The following RELB variants were observed in gnomAD, a reference collection of about 807,000 sequenced individuals.
The protein encoded by RELB is transcription factor RelB.
Under a neutral mutation model 55.4 loss-of-function variants are expected in RELB, and 14 were observed. That is an observed-to-expected ratio of 0.25 (90% CI 0.17 to 0.40). The LOEUF (loss-of-function observed/expected upper bound fraction) is 0.40, where lower values mean the gene tolerates loss of function less well. Ranked by LOEUF, RELB falls within the 10% of genes least tolerant of loss-of-function variation. RELB has a pLI of 1.00. For missense variants in RELB, 669 were observed against 830.7 expected, an observed-to-expected ratio of 0.81 and a Z score of 2.39; for synonymous variants, 409 against 371.3, an observed-to-expected ratio of 1.10 and a Z score of -1.17.
chr19:45,014,520 T>G (rs1971399257), intron 4 of RELB, among the ~76,000 whole-genome samples: 1 of 83,920 alleles, frequency 1.2e-5, no homozygotes, highest in African/African-American at 4.9e-5. Flanking sequence ...TTTTTTTTTG[T>G]TTTTTGGTTT....
Position 45,024,223 on chromosome 19 carries a change from G to A in RELB, c.663-1106G>A, listed in dbSNP as rs545476512. On this transcript the variant is annotated intron_variant, in intron 5 of 11. Transcript: ENST00000221452. Reference sequence around the variant, plus strand: ...GTCGCCCAGGCTGGAGTGCAGTGGCGCGATCTCGGCTCACTGCAAACTCCG... The same window carrying A: ...GTCGCCCAGGCTGGAGTGCAGTGGCACGATCTCGGCTCACTGCAAACTCCG... Among the ~76,000 whole-genome samples, 229 of 150,726 alleles carry A rather than the reference G, an allele frequency of 1.5e-3. 2 individuals carry two copies. Among genetic ancestry groups the A allele is most frequent in the African/African-American group, 5.4e-3 (222 of 40,964 alleles).
At position 45,011,854 on chromosome 19, in the gene RELB, T is replaced by C. The variant is rs1238026279; in HGVS notation, c.164-82T>C. The C allele has an allele frequency of 3.9e-6, 3 of 766,820 alleles. No homozygotes were observed. The Admixed American group carries it at 1.4e-4, about 36-fold the overall frequency. 47.5% of individuals were successfully genotyped at this position (766,820 alleles called of 1,614,324 possible). A position where few individuals can be genotyped will look rare whatever the true frequency, so the allele number is the denominator to read the frequency against. On this transcript the variant is annotated intron_variant, in intron 3 of 11. Coordinates refer to ENST00000221452, the MANE Select transcript of RELB (RefSeq NM_006509.4). ...AGAGAGATAAATGGGATGGAAAACGTCTCGGGGGTAATCAAGCCTTTTTTT... is the reference window on the plus strand; with the variant it reads ...AGAGAGATAAATGGGATGGAAAACGCCTCGGGGGTAATCAAGCCTTTTTTT...
chr19:45,020,577 A>AGACG (rs1971472150), intron 4 of RELB, among the ~76,000 whole-genome samples: 1 of 24,696 alleles, frequency 4.0e-5, no homozygotes, highest in Non-Finnish European at 7.5e-5. Flanking sequence ...TTTTTTTTTG[A>AGACG]GACGGAGTCT....
chr19:45,022,894 A>G (rs1179381649), intron 5 of RELB, among the ~76,000 whole-genome samples: 2 of 152,110 alleles, frequency 1.3e-5, no homozygotes, highest in Non-Finnish European at 2.9e-5. Context: ...TTTATTTTGC[A>G]TATGTCCACA....
intron 8 of RELB, among the ~76,000 whole-genome samples, chr19:45,030,784 G>A (rs541549500): frequency 3.3e-5 from 5 of 152,296 alleles, no homozygotes; most frequent in Non-Finnish European, 5.9e-5. Context: ...GCAATAGAGC[G>A]AGACTCTGTC....
intron 7 of RELB, among the ~76,000 whole-genome samples, chr19:45,026,924 A>G (rs1600078763): frequency 6.6e-6 from 1 of 152,198 alleles, no homozygotes; most frequent in East Asian, 1.9e-4. Context: ...GCATTTATGG[A>G]TGCAAGTGAT....
chr19:45,001,707 G>A, intron 1 of RELB, 22 bp downstream of exon 1: 4 of 1,467,428 alleles, frequency 2.7e-6, no homozygotes, highest in Non-Finnish European at 2.7e-6. Context: ...TGGGGTTCAG[G>A]AGAGGGGTCT....
intron 8 of RELB, among the ~76,000 whole-genome samples, chr19:45,030,238 TGAGG>T (rs1277032754): frequency 3.3e-5 from 5 of 152,122 alleles, no homozygotes; most frequent in African/African-American, 1.2e-4. Context: ...TTTGGGAGGC[TGAGG>T]TGGGAGGATC....
At chr19:45,003,906 G>GTTTTTTTTTTTTTTTTT (rs1568395564) in intron 2 of RELB, among the ~76,000 whole-genome samples, 4 of 62,538 alleles carry the variant, frequency 6.4e-5, no homozygotes, top group Admixed American at 2.0e-4. Context: ...TTTTTTGTCT[G>GTTTTTTTTTTTTTTTTT]TTTTTTGTGT....
chr19:45,025,614 C>T lies in RELB; in HGVS notation c.763C>T (p.Leu255=), dbSNP rs778596768. ...CATATCTCCCCCGACAGCTGGGTCC[C>T]TGAAGAACCATCAGGAAGTAGACAT... is the stretch of plus-strand genomic sequence containing the variant. The part of the protein sequence containing the change: ...LGIDPYNAGS[L]KNHQEVDMNV... Residue 255 remains leucine, a synonymous_variant, in exon 7 of 12, where the codon CTG becomes TTG. Transcript: ENST00000221452. The T allele has an allele frequency of 1.9e-6, 3 of 1,613,856 alleles. No homozygotes were observed. The highest frequency in any genetic ancestry group is 2.5e-6 in the Non-Finnish European group (3 of 1,179,902).
In RELB at chr19:45,002,635, G is replaced by C. The variant is rs1388193499; in HGVS notation, c.107-314G>C. The stretch of plus-strand genomic sequence containing the variant: ...CTCAAAGTGCTGGGATTACAGGTGT[G>C]AGCCCTTGTGCCCAGCGGGATGGGG... On this transcript the variant is annotated intron_variant, in intron 1 of 11. Coordinates refer to ENST00000221452, the MANE Select transcript of RELB (RefSeq NM_006509.4). 2.0e-5 allele frequency among the ~76,000 whole-genome samples: 3 copies of C among 152,316 alleles called. No homozygotes were observed. The East Asian group carries it at 5.8e-4, about 29-fold the overall frequency.
chr19:45,018,670 ATTTAT>A (rs1255304406), intron 4 of RELB, among the ~76,000 whole-genome samples: 2 of 148,200 alleles, frequency 1.3e-5, no homozygotes, highest in Non-Finnish European at 3.0e-5. Context: ...CCTGTTATTT[ATTTAT>A]TTTTTTTTAA....
rs552218849 is a variant in RELB at position 45,008,167 on chromosome 19, C to G, written c.155-1647C>G. Among the ~76,000 whole-genome samples the G allele has an allele frequency of 2.1e-4, 32 of 151,362 alleles. No homozygotes were observed. In the East Asian group the frequency reaches 5.6e-3, roughly 26 times the overall value. On this transcript the variant is annotated intron_variant, in intron 2 of 11. Transcript: ENST00000221452. ...CCTGGGTGACAGAGCAAGACTCCGTCTCAAAAAAATAAAAATAAATAAAAT... is the reference window on the plus strand; with the variant it reads ...CCTGGGTGACAGAGCAAGACTCCGTGTCAAAAAAATAAAAATAAATAAAAT...
chr19:45,006,460 T>A (rs1971283400), intron 2 of RELB, among the ~76,000 whole-genome samples: 1 of 151,750 alleles, frequency 6.6e-6, no homozygotes, highest in Admixed American at 6.6e-5. Context: ...CACCTCGGCC[T>A]CTCAAAGTGC....
intron 5 of RELB, among the ~76,000 whole-genome samples, chr19:45,023,740 CTTTTTTTTTTTTTTTTTT>C (rs1168078618): frequency 2.6e-5 from 1 of 38,362 alleles, no homozygotes; most frequent in Non-Finnish European, 4.6e-5. Context: ...TGCCCAGCCT[CTTTTTTTTTTTTTTTTTT>C]TTTTTTTTTT....
At chr19:45,018,527 A>C (rs972994752) in intron 4 of RELB, among the ~76,000 whole-genome samples, 1 of 151,790 alleles carries the variant, frequency 6.6e-6, no homozygotes, top group African/African-American at 2.4e-5. Context: ...GGTTGCAGTG[A>C]GCTGAGATCA....
chr19:45,009,937 C>T (rs1971328673), intron 3 of RELB, 115 bp downstream of exon 3: 2 of 1,055,526 alleles, frequency 1.9e-6, no homozygotes. Context: ...TGTGTGACTT[C>T]CAGGACTGTG....
chr19:45,028,112 T>C (rs1055994404), intron 7 of RELB, among the ~76,000 whole-genome samples: 3 of 152,132 alleles, frequency 2.0e-5, no homozygotes, highest in Non-Finnish European at 2.9e-5. Context: ...CCAGAACTCC[T>C]GGGCTCAAAC....
chr19:45,027,410 G>C (rs1971572021), intron 7 of RELB, among the ~76,000 whole-genome samples: 1 of 152,060 alleles, frequency 6.6e-6, no homozygotes, highest in Admixed American at 6.6e-5. Flanking sequence ...TCTCTCAGCT[G>C]TTCTTCCTCC....
Sources: gnomAD v4.1 joint callset for allele counts (sites outside exome capture counted in the v4.1 genomes callset) on GRCh38, gnomAD v4.1.1 for gene constraint, MANE v1.5 for transcripts, NCBI Gene and HGNC (gene_info 2026-07-23, HGNC 2026-07-21) for gene names.